Variants in NEB observed in about 807,000 individuals in gnomAD.
The protein encoded by NEB is nemaline myopathy type 2.
Under a neutral mutation model 952.2 loss-of-function variants are expected in NEB, and 512 were observed. That is an observed-to-expected ratio of 0.54 (90% CI 0.50 to 0.58). The LOEUF (loss-of-function observed/expected upper bound fraction) is 0.58, where lower values mean the gene tolerates loss of function less well. Among genes scored for constraint, NEB ranks in the 20% least tolerant of loss-of-function variants. The pLI is 0.00. For synonymous variants in NEB, 2,900 were observed against 3,149.8 expected (o/e 0.92, Z 2.66); for missense variants, 8,428 against 9,231.1 (o/e 0.91, Z 3.56).
chr2:151,670,601 T>G (rs2099274077), intron 38 of NEB, among the ~76,000 whole-genome samples: 1 of 152,114 alleles, frequency 6.6e-6, no homozygotes, highest in Admixed American at 6.5e-5. Context: ...AGATTGCCTC[T>G]CAGAACATGG....
chr2:151,616,006 C>T lies in NEB; in HGVS notation c.11285G>A (p.Ser3762Asn). 3 of 1,608,766 alleles carry T rather than the reference C, an allele frequency of 1.9e-6. No homozygotes were observed. Among genetic ancestry groups the T allele is most frequent in the Non-Finnish European group, 1.7e-6 (2 of 1,176,992 alleles). The change falls in exon 76 of 182, where the codon AGT becomes AAT. Residue 3762 changes from serine (S) to asparagine (N), a missense_variant. Coordinates refer to ENST00000397345, the MANE Select transcript of NEB (RefSeq NM_001164508.2). ...QAAKASRDIA[S>N]DYKYKEGYRK... is the part of the protein sequence containing the mutation. ...TTTTCCAAAACATCCACTTACATCA[C>T]TAGCAATATCTCTTGAAGCCTTGGC... is the stretch of plus-strand genomic sequence containing the variant.
rs1553695209 is a variant in NEB at position 151,540,390 on chromosome 2, G to GT, written c.20845dup (p.Thr6949AsnfsTer16). The GT allele has an allele frequency of 7.6e-6, 12 of 1,586,428 alleles. No individual in the cohort carries two copies. Among genetic ancestry groups the GT allele is most frequent in the Non-Finnish European group, 1.0e-5 (12 of 1,164,536 alleles). ...CCTCTTGGCTCTGATGAGGATTGGC[G>GT]TATCTGGAACCGGAGTGTACTTGTC... On this transcript the variant is annotated frameshift_variant, in exon 138 of 182. Coordinates refer to ENST00000397345, the MANE Select transcript of NEB (RefSeq NM_001164508.2). LOFTEE classifies it high-confidence loss of function.
chr2:151,489,757 GTTTTT>G (rs372813378), intron 181 of NEB, among the ~76,000 whole-genome samples: 1 of 147,998 alleles, frequency 6.8e-6, no homozygotes, highest in African/African-American at 2.5e-5. Context: ...CTAGGTTTGG[GTTTTT>G]TTTTTAAGTT....
intron 29 of NEB, among the ~76,000 whole-genome samples, 157 bp downstream of exon 29, chr2:151,682,505 T>C (rs2099427693): frequency 6.6e-6 from 1 of 152,242 alleles, no homozygotes; most frequent in Non-Finnish European, 1.5e-5. Context: ...ATATAAAGGT[T>C]TGTGCTGGTC....
intron 140 of NEB, 45 bp downstream of exon 140, chr2:151,537,827 G>T: frequency 1.5e-6 from 2 of 1,296,452 alleles, no homozygotes; most frequent in Non-Finnish European, 2.1e-6. Context: ...GAGCTTATAT[G>T]GGAATATGAA....
At chr2:151,540,630 CA>C in intron 137 of NEB, 66 bp downstream of exon 137, 1 of 1,377,320 alleles carries the variant, frequency 7.3e-7, no homozygotes, top group Non-Finnish European at 1.0e-6. Context: ...TCAGAGGTAG[CA>C]GGGGAAGGTT....
chr2:151,505,925 G>A (rs1033445627), intron 164 of NEB: 20 of 570,986 alleles, frequency 3.5e-5, no homozygotes, highest in Middle Eastern at 4.7e-4. Flanking sequence ...TGACTGTACC[G>A]GATTCTACCT....
intron 156 of NEB, among the ~76,000 whole-genome samples, chr2:151,517,553 G>A (rs2078552489): frequency 6.6e-6 from 1 of 152,162 alleles, no homozygotes; most frequent in South Asian, 2.1e-4. Context: ...TTATGAGAAA[G>A]GCTTTGTTAT....
chr2:151,627,486 A>G (rs770800876), intron 69 of NEB, 37 bp downstream of exon 69: 6 of 1,603,664 alleles, frequency 3.7e-6, no homozygotes, highest in Non-Finnish European at 4.3e-6. Context: ...ATGAATTACT[A>G]TTATGAGCAC....
intron 57 of NEB, 84 bp from the exon 58 acceptor site, chr2:151,643,437 C>T: frequency 8.1e-7 from 1 of 1,240,448 alleles, no homozygotes; most frequent in South Asian, 1.6e-5. Context: ...TCATTTGCCC[C>T]TAAATAAAAG....
At chr2:151,512,615 ATC>A (rs1490305106) in intron 161 of NEB, 116 bp downstream of exon 161, 7 of 804,026 alleles carry the variant, frequency 8.7e-6, no homozygotes, top group African/African-American at 1.7e-5. Flanking sequence ...CACCTGGTGA[ATC>A]TCTTTTTTAT....
chr2:151,502,322 A>AACTT (rs2065257606), intron 167 of NEB, among the ~76,000 whole-genome samples: 1 of 152,150 alleles, frequency 6.6e-6, no homozygotes, highest in Non-Finnish European at 1.5e-5. Context: ...ACCACTAAAG[A>AACTT]ACTTAGTAAC....
intron 13 of NEB, among the ~76,000 whole-genome samples, chr2:151,705,161 G>T (rs749318184): frequency 1.3e-5 from 2 of 151,714 alleles, no homozygotes; most frequent in African/African-American, 2.4e-5. Flanking sequence ...CAAACAATTA[G>T]CCTTCAAAAT....
rs1238384293 is a variant in NEB, at chr2:151,610,525, G to T, written c.12009C>A (p.Ile4003=). The change falls in exon 80 of 182, where the codon ATC becomes ATA. Residue 4003 remains isoleucine, a synonymous_variant. Transcript: ENST00000397345. ...SIKSAKASRD[I]ASDYKYKEAY... ...GATGGAAGGTACTCACGTCACTGGC[G>T]ATGTCCCTGGAGGCCTTGGCACTTT... is the stretch of plus-strand genomic sequence containing the variant. The T allele has an allele frequency of 6.2e-7, 1 of 1,607,900 alleles. No homozygotes were observed. Among genetic ancestry groups the T allele is most frequent in the Admixed American group, 1.7e-5 (1 of 59,994 alleles).
At chr2:151,729,490 A>G (rs2099800553) in intron 4 of NEB, 125 bp downstream of exon 4, 1 of 1,034,104 alleles carries the variant, frequency 9.7e-7, no homozygotes, top group Admixed American at 1.9e-5. Flanking sequence ...GGGCACAGGT[A>G]GGTGAGTGAT....
intron 142 of NEB, 34 bp from the exon 143 acceptor site, chr2:151,533,580 G>T: frequency 7.4e-7 from 1 of 1,359,474 alleles, no homozygotes; most frequent in Non-Finnish European, 1.0e-6. Context: ...GCACAAAAGA[G>T]ACTTATGAAG....
At chr2:151,569,939 A>T in intron 109 of NEB, 142 bp downstream of exon 109, 1 of 826,140 alleles carries the variant, frequency 1.2e-6, no homozygotes, top group Non-Finnish European at 1.8e-6. Flanking sequence ...TGATTTTGAT[A>T]CCATACTATA....
rs188276627 is a variant in NEB, at chr2:151,558,748, T to C, written c.19314+1844A>G. ...GTGCTGGGAAAACTGGCTAGCCATA[T>C]GCAGAAAGCTGAAACTGGATCCCTT... On this transcript the variant is annotated intron_variant, in intron 124 of 181. Coordinates refer to ENST00000397345, the MANE Select transcript of NEB (RefSeq NM_001164508.2). Among the ~76,000 whole-genome samples, 40 of 152,316 alleles carry C rather than the reference T, an allele frequency of 2.6e-4. No homozygotes were observed. In the East Asian group the frequency reaches 7.1e-3, roughly 27 times the overall value.
chr2:151,663,469 T>C, intron 45 of NEB, 79 bp downstream of exon 45: 4 of 1,391,322 alleles, frequency 2.9e-6, no homozygotes, highest in Non-Finnish European at 3.9e-6. Flanking sequence ...TTCAGGATTT[T>C]CAAAACGTCA....
Sources: allele counts gnomAD v4.1 joint callset (sites outside exome capture counted in the v4.1 genomes callset), GRCh38; gene constraint gnomAD v4.1.1; transcripts MANE v1.5; gene names NCBI Gene and HGNC (gene_info 2026-07-23, HGNC 2026-07-21).